RYR1: variants seen among roughly 807,000 people sequenced by gnomAD.
RYR1 encodes the protein ryanodine receptor 1, also known as central core disease of muscle.
RYR1 carries 342 observed loss-of-function variants against 583.5 expected under a neutral mutation model. That is an observed-to-expected ratio of 0.59 (90% CI 0.54 to 0.64). The LOEUF is 0.64. Ranked by LOEUF, RYR1 falls within the 30% of genes least tolerant of loss-of-function variation. The probability of loss-of-function intolerance (pLI) is 0.00; values close to 1 mark genes in which losing one functional copy is unlikely to be tolerated. For missense variants in RYR1, 6,032 were observed against 6,917.2 expected (o/e 0.87, Z 4.54); for synonymous variants, 2,791 against 2,822.5 (o/e 0.99, Z 0.35).
rs745659458 is a variant in RYR1 at position 38,451,868 on chromosome 19, A to G, written c.1227A>G (p.Leu409=). ...AARMIHSTNG[L]YNQFIKSLDS... is the part of the protein sequence containing the mutation. ...GCATGATCCACAGCACCAATGGCCT[A>G]TACAACCAGTTCATCAAGTGAGCAA... is the stretch of plus-strand genomic sequence containing the variant. The change falls in exon 12 of 106, where the codon CTA becomes CTG. Residue 409 remains leucine, a synonymous_variant. Transcript: ENST00000359596. The G allele has an allele frequency of 1.2e-5, 19 of 1,614,032 alleles. No individual in the cohort carries two copies. The East Asian group carries it at 4.2e-4, about 36-fold the overall frequency.
chr19:38,464,942 A>C (rs1027546504), intron 23 of RYR1, among the ~76,000 whole-genome samples: 2 of 151,986 alleles, frequency 1.3e-5, no homozygotes, highest in Non-Finnish European at 2.9e-5. Flanking sequence ...GGAGGGTATG[A>C]GTCCAGGATC....
chr19:38,587,521 G>T lies in RYR1; in HGVS notation c.*101G>T. On this transcript the variant is annotated 3_prime_UTR_variant, in exon 106 of 106. Transcript: ENST00000359596. ...TCCCCCTAAGGCAGCTGGGGGAGAG[G>T]TGACCTAGTACTGGAAAATAAATCT... The T allele has an allele frequency of 1.1e-6, 1 of 872,564 alleles. No individual in the cohort carries two copies. Among genetic ancestry groups the T allele is most frequent in the African/African-American group, 1.6e-5 (1 of 60,874 alleles). 54.1% of individuals were successfully genotyped at this position (872,564 alleles called of 1,614,324 possible).
intron 76 of RYR1, among the ~76,000 whole-genome samples, chr19:38,532,122 CTT>C (rs552357645): frequency 4.6e-4 from 64 of 138,656 alleles, no homozygotes; most frequent in South Asian, 1.9e-3. Context: ...ACCAGAAGCT[CTT>C]TTTTTTTTTT....
chr19:38,503,158 T>C (rs1970277887), intron 49 of RYR1, among the ~76,000 whole-genome samples, 188 bp downstream of exon 49: 1 of 152,188 alleles, frequency 6.6e-6, no homozygotes, highest in Admixed American at 6.5e-5. Context: ...AACATTCACT[T>C]TGCTTCATTG....
At position 38,517,401 on chromosome 19, in the gene RYR1, TC is replaced by T. The variant is rs1393598103; in HGVS notation, c.9731del (p.Pro3244ArgfsTer77). The T allele has an allele frequency of 6.2e-7, 1 of 1,613,848 alleles. No individual in the cohort carries two copies. The highest frequency in any genetic ancestry group is 8.5e-7 in the Non-Finnish European group (1 of 1,180,002). ...PNSVEEMCPD[I>X]PVLERLMADI... ...AGTGTGGAGGAGATGTGTCCCGACA[TC>T]CCGGTGCTGGAGCGGCTCATGGCAG... On this transcript the variant is annotated frameshift_variant, in exon 66 of 106. Transcript: ENST00000359596. LOFTEE classifies it high-confidence loss of function.
In RYR1 at chr19:38,496,099, C is replaced by T. The variant is rs529439489; in HGVS notation, c.6549-116C>T. On this transcript the variant is annotated intron_variant, in intron 39 of 105. Transcript: ENST00000359596. The surrounding 1 kb of genome is among the most constrained non-coding windows in gnomAD (Gnocchi z 4.8). ...TTGAGTGAGTTCAGATCTGTAAAGGCGGTGGTGCTAGGCACAGAGTGAGAG... is the reference window on the plus strand; with the variant it reads ...TTGAGTGAGTTCAGATCTGTAAAGGTGGTGGTGCTAGGCACAGAGTGAGAG... 6.3e-4 allele frequency: 533 copies of T among 850,632 alleles called. No homozygotes were observed. Among genetic ancestry groups the T allele is most frequent in the African/African-American group, 9.6e-4 (58 of 60,106 alleles). 52.7% of individuals were successfully genotyped at this position (850,632 alleles called of 1,614,324 possible).
rs758113450 is a variant in RYR1, at chr19:38,506,945, G to A, written c.8809G>A (p.Val2937Ile). ...LKFLQMNGYA[V>I]TRGLKDMELD... is the part of the protein sequence containing the mutation. ...ATTCCTGCAGATGAATGGCTACGCG[G>A]TTACAAGGCACGCGGGTTGGGGCTC... The change falls in exon 57 of 106, where the codon GTT (valine) becomes ATT (isoleucine). Residue 2937 changes from valine (V) to isoleucine (I), a missense_variant. Val to Ile is a conservative substitution (Grantham distance 29). Around this residue, in one of 11 missense-constraint regions of RYR1, gnomAD observed 1,493 missense variants for 1,715.5 expected, o/e 0.87. Transcript: ENST00000359596. The A allele has an allele frequency of 3.7e-6, 6 of 1,612,528 alleles. No homozygotes were observed. Among genetic ancestry groups the A allele is most frequent in the African/African-American group, 1.3e-5 (1 of 74,876 alleles).
intron 48 of RYR1, 75 bp downstream of exon 48, chr19:38,502,802 G>GGCAGGA (rs1970233742): frequency 3.8e-6 from 4 of 1,039,542 alleles, no homozygotes; most frequent in Non-Finnish European, 3.8e-6. Flanking sequence ...CAGGGGCAGG[G>GGCAGGA]GCAGGGGGAG....
chr19:38,451,985 A>G lies in RYR1; in HGVS notation c.1244+100A>G, dbSNP rs150380244. On this transcript the variant is annotated intron_variant, in intron 12 of 105. Coordinates refer to ENST00000359596, the MANE Select transcript of RYR1 (RefSeq NM_000540.3). ...TTTCATCTCTACCTCTGTTGCCCACACCCTTGTCTAACATATACATGGGCC... is the reference window on the plus strand; with the variant it reads ...TTTCATCTCTACCTCTGTTGCCCACGCCCTTGTCTAACATATACATGGGCC... 184 of 1,532,798 alleles carry G rather than the reference A, an allele frequency of 1.2e-4. No individual in the cohort carries two copies. The African/African-American group carries it at 2.0e-3, about 16-fold the overall frequency. 94.9% of individuals were successfully genotyped at this position (1,532,798 alleles called of 1,614,324 possible).
At position 38,496,308 on chromosome 19, in the gene RYR1, C is replaced by T. The variant is rs1420042427; in HGVS notation, c.6642C>T (p.Val2214=). 1.2e-6 allele frequency: 2 copies of T among 1,613,940 alleles called. No homozygotes were observed. The highest frequency in any genetic ancestry group is 1.3e-5 in the African/African-American group (1 of 74,940). The change falls in exon 40 of 106, where the codon GTC becomes GTT. Residue 2214 remains valine (V), a synonymous_variant. Transcript: ENST00000359596. The surrounding 1 kb of genome is among the most constrained non-coding windows in gnomAD (Gnocchi z 4.8). ...CGGTCATGGAGGTCATGGTCAACGT[C>T]CTCGGGGGCGGCGAGTCCAAGGTGA... ...HETVMEVMVN[V]LGGGESKEIR...
chr19:38,570,099 T>C (rs1484169061), intron 93 of RYR1, among the ~76,000 whole-genome samples: 1 of 152,148 alleles, frequency 6.6e-6, no homozygotes, highest in East Asian at 1.9e-4. Flanking sequence ...AGGCAGAGGT[T>C]GCAGTGAGCC....
At chr19:38,526,428 CCCCTT>C (rs1971468414) in intron 71 of RYR1, among the ~76,000 whole-genome samples, 1 of 151,864 alleles carries the variant, frequency 6.6e-6, no homozygotes. Flanking sequence ...CACCAGGACA[CCCCTT>C]CCCTCAGAAC....
chr19:38,468,265 T>C (rs1340832351), intron 25 of RYR1, among the ~76,000 whole-genome samples: 1 of 151,534 alleles, frequency 6.6e-6, no homozygotes, highest in Non-Finnish European at 1.5e-5. Flanking sequence ...CAGCCAACCA[T>C]GCATCCATCC....
intron 89 of RYR1, among the ~76,000 whole-genome samples, chr19:38,558,008 T>C (rs186093905): frequency 6.6e-6 from 1 of 151,564 alleles, no homozygotes; most frequent in Non-Finnish European, 1.5e-5. Context: ...CAATAAAATA[T>C]AAAATAAAAT....
At chr19:38,532,079 C>G (rs1264854376) in intron 76 of RYR1, among the ~76,000 whole-genome samples, 1 of 152,034 alleles carries the variant, frequency 6.6e-6, no homozygotes, top group African/African-American at 2.4e-5. Context: ...GTCACACAGC[C>G]TGAACATGGG....
chr19:38,534,628 CTGGAACAGGGA>C, intron 78 of RYR1, 81 bp from the exon 79 acceptor site: 1 of 1,099,802 alleles, frequency 9.1e-7, no homozygotes, highest in Non-Finnish European at 1.4e-6. Flanking sequence ...GTGGATGTGG[CTGGAACAGGGA>C]GGGCAGAAGT....
In RYR1 at chr19:38,483,217, G is replaced by A; in HGVS notation, c.4708-73G>A. 2 of 1,586,906 alleles carry A rather than the reference G, an allele frequency of 1.3e-6. No homozygotes were observed. The highest frequency in any genetic ancestry group is 1.7e-6 in the Non-Finnish European group (2 of 1,161,452). ...TGAAGGGGAGGGGGCAATCCAAGAG[G>A]TCTCCCTGGAAGTGGTGTGGTGGGA... On this transcript the variant is annotated intron_variant, in intron 32 of 105. Coordinates refer to ENST00000359596, the MANE Select transcript of RYR1 (RefSeq NM_000540.3). The surrounding 1 kb of genome is among the most constrained non-coding windows in gnomAD (Gnocchi z 6.3).
chr19:38,459,511 A>G (rs1023912408), intron 19 of RYR1, among the ~76,000 whole-genome samples, 173 bp downstream of exon 19: 2 of 152,100 alleles, frequency 1.3e-5, no homozygotes, highest in Non-Finnish European at 2.9e-5. Flanking sequence ...ACGTGACTCC[A>G]GACTCTTTCC....
rs1555803933 is a variant in RYR1, at chr19:38,580,431, A to G, written c.14573A>G (p.Asn4858Ser). The change falls in exon 101 of 106, where the codon AAC (asparagine) becomes AGC (serine). Residue 4858 changes from asparagine (N) to serine (S), a missense_variant. Physicochemically the swap from Asn to Ser is conservative, Grantham distance 46. Transcript: ENST00000359596. ...TACCTGTACACCGTGGTGGCCTTCA[A>G]CTTCTTCCGCAAGTTCTACAACAAG... The part of the protein sequence containing the change: ...VVYLYTVVAF[N>S]FFRKFYNKSE... 1.2e-6 allele frequency: 2 copies of G among 1,614,062 alleles called. No homozygotes were observed. The highest frequency in any genetic ancestry group is 8.5e-7 in the Non-Finnish European group (1 of 1,179,996).
Sources: allele counts gnomAD v4.1 joint callset (sites outside exome capture counted in the v4.1 genomes callset), GRCh38; gene constraint gnomAD v4.1.1; regional missense constraint gnomAD v4.1.1; non-coding constraint Gnocchi (gnomAD v3.1); transcripts MANE v1.5; gene names NCBI Gene and HGNC (gene_info 2026-07-23, HGNC 2026-07-21).